Variants in NR3C2 observed in about 807,000 individuals in gnomAD.
NR3C2 encodes the protein nuclear receptor subfamily 3 group C member 2.
Under a neutral mutation model 86.4 loss-of-function variants are expected in NR3C2, and 15 were observed. The ratio of observed to expected loss-of-function variants is 0.17; its 90% CI spans 0.12 to 0.27. The LOEUF (loss-of-function observed/expected upper bound fraction) is 0.27. NR3C2 is among the 10% of genes least tolerant of loss of function. The pLI is 1.00. For synonymous variants in NR3C2, 458 were observed against 450.5 expected, an observed-to-expected ratio of 1.02 and a Z score of -0.21; for missense variants, 960 against 1,195.6, an observed-to-expected ratio of 0.80 and a Z score of 2.91.
chr4:148,172,489 C>T (rs1361052726), intron 4 of NR3C2, among the ~76,000 whole-genome samples: 4 of 152,092 alleles, frequency 2.6e-5, no homozygotes, highest in Non-Finnish European at 5.9e-5. Flanking sequence ...TGTCCTGGTG[C>T]AGGGATGGAA....
At chr4:148,240,603 C>T (rs753519363) in intron 3 of NR3C2, among the ~76,000 whole-genome samples, 34 of 152,166 alleles carry the variant, frequency 2.2e-4, no homozygotes, top group Admixed American at 3.9e-4. Context: ...GCGACAGGGG[C>T]GGGGTCAAGG....
chr4:148,252,986 T>C (rs1739648213), intron 3 of NR3C2, among the ~76,000 whole-genome samples: 2 of 152,180 alleles, frequency 1.3e-5, no homozygotes, highest in Admixed American at 6.5e-5. Context: ...CCATGTGAAG[T>C]TGTACCTTGA....
intron 3 of NR3C2, among the ~76,000 whole-genome samples, chr4:148,196,673 T>C (rs913012716): frequency 4.6e-5 from 7 of 152,224 alleles, no homozygotes; most frequent in Non-Finnish European, 8.8e-5. Context: ...TAATCTAAAG[T>C]ATATTCTCTA....
At chr4:148,199,003 G>A (rs899331195) in intron 3 of NR3C2, among the ~76,000 whole-genome samples, 8 of 149,598 alleles carry the variant, frequency 5.3e-5, no homozygotes, top group Admixed American at 3.3e-4. Flanking sequence ...GGAGAATGGC[G>A]TGAACCCGGG....
chr4:148,280,766 C>G (rs1741193851), intron 2 of NR3C2, among the ~76,000 whole-genome samples: 1 of 152,136 alleles, frequency 6.6e-6, no homozygotes. Flanking sequence ...CTCAGCCTCC[C>G]ACATGTGGGG....
At position 148,192,295 on chromosome 4, in the gene NR3C2, C is replaced by G. The variant is rs562354894; in HGVS notation, c.2014+2451G>C. Among the ~76,000 whole-genome samples the G allele has an allele frequency of 2.0e-4, 30 of 152,290 alleles. No individual in the cohort carries two copies. In the South Asian group the frequency reaches 6.2e-3, roughly 32 times the overall value. On this transcript the variant is annotated intron_variant, in intron 4 of 8. Coordinates refer to ENST00000358102, the MANE Select transcript of NR3C2 (RefSeq NM_000901.5). Reference sequence around the variant, plus strand: ...GCAAGTCTACCTGGCTCCGGGCTGGCATTGGGGGTTGTCTGCACAGAGTCC... The same window carrying G: ...GCAAGTCTACCTGGCTCCGGGCTGGGATTGGGGGTTGTCTGCACAGAGTCC...
At chr4:148,316,536 A>C (rs1267510206) in intron 2 of NR3C2, among the ~76,000 whole-genome samples, 3 of 152,204 alleles carry the variant, frequency 2.0e-5, no homozygotes, top group Non-Finnish European at 4.4e-5. Flanking sequence ...AGAATCAATA[A>C]GTTATCTGTG....
intron 8 of NR3C2, among the ~76,000 whole-genome samples, chr4:148,098,163 T>A (rs1041920810): frequency 2.6e-5 from 4 of 152,218 alleles, no homozygotes; most frequent in African/African-American, 9.6e-5. Context: ...ACTTGCTGTG[T>A]GCATCAGGCA....
chr4:148,367,853 A>C (rs1009893727), intron 2 of NR3C2, among the ~76,000 whole-genome samples: 1 of 151,746 alleles, frequency 6.6e-6, no homozygotes, highest in Non-Finnish European at 1.5e-5. Flanking sequence ...TTCTTCAAAA[A>C]GAAATACATT....
intron 2 of NR3C2, among the ~76,000 whole-genome samples, chr4:148,319,397 T>C (rs1743422207): frequency 6.6e-6 from 1 of 152,174 alleles, no homozygotes; most frequent in Non-Finnish European, 1.5e-5. Flanking sequence ...CAAGTAGTTT[T>C]TTCCAATTCT....
At chr4:148,275,618 C>T (rs1042324706) in intron 2 of NR3C2, among the ~76,000 whole-genome samples, 2 of 151,966 alleles carry the variant, frequency 1.3e-5, no homozygotes, top group African/African-American at 4.8e-5. Context: ...TTAATACAGA[C>T]GGGGTTTCAC....
intron 2 of NR3C2, among the ~76,000 whole-genome samples, chr4:148,427,961 T>A (rs772434833): frequency 1.3e-5 from 2 of 152,102 alleles, no homozygotes; most frequent in African/African-American, 4.8e-5. Context: ...TACATAAATA[T>A]CTGAATAAAC....
intron 2 of NR3C2, among the ~76,000 whole-genome samples, chr4:148,363,502 A>ATTTTTTTTTTTTT (rs1414328296): frequency 1.1e-3 from 18 of 16,192 alleles, no homozygotes; most frequent in East Asian, 2.2e-3. Flanking sequence ...CTTCTCATAG[A>ATTTTTTTTTTTTT]TCTCTTTTTT....
chr4:148,287,153 T>C (rs185126624), intron 2 of NR3C2, among the ~76,000 whole-genome samples: 1 of 152,346 alleles, frequency 6.6e-6, no homozygotes, highest in East Asian at 1.9e-4. Flanking sequence ...GAAACCACTT[T>C]TTTTCTCTAC....
intron 4 of NR3C2, among the ~76,000 whole-genome samples, chr4:148,194,538 G>A (rs1736351260): frequency 6.6e-6 from 1 of 152,038 alleles, no homozygotes; most frequent in African/African-American, 2.4e-5. Context: ...AAATTCACTA[G>A]AACTATAGCC....
intron 2 of NR3C2, among the ~76,000 whole-genome samples, chr4:148,428,429 A>G (rs1296018724): frequency 1.3e-5 from 2 of 152,222 alleles, no homozygotes; most frequent in African/African-American, 2.4e-5. Context: ...GAACTATCCC[A>G]GACTAAAGAG....
At chr4:148,277,114 T>C (rs1740998527) in intron 2 of NR3C2, among the ~76,000 whole-genome samples, 1 of 152,222 alleles carries the variant, frequency 6.6e-6, no homozygotes, top group Admixed American at 6.5e-5. Flanking sequence ...TTACGGGAAC[T>C]GGATATATAG....
intron 2 of NR3C2, among the ~76,000 whole-genome samples, chr4:148,379,424 T>C (rs140770671): frequency 1.3e-3 from 199 of 152,236 alleles, no homozygotes; most frequent in Non-Finnish European, 2.4e-3. Flanking sequence ...AACGGCAACA[T>C]GCACAGTAAG....
intron 2 of NR3C2, among the ~76,000 whole-genome samples, chr4:148,386,409 TA>T (rs1747264461): frequency 6.6e-6 from 1 of 152,308 alleles, no homozygotes; most frequent in Admixed American, 6.5e-5. Flanking sequence ...AACCTGATGG[TA>T]ATTTTTCATA....
Sources: allele counts gnomAD v4.1 joint callset (sites outside exome capture counted in the v4.1 genomes callset), GRCh38; gene constraint gnomAD v4.1.1; transcripts MANE v1.5; gene names NCBI Gene and HGNC (gene_info 2026-07-23, HGNC 2026-07-21).